Variants in UACA observed in about 807,000 individuals in gnomAD.
The protein encoded by UACA is nuclear membrane binding protein.
A neutral mutation model predicts 160.5 loss-of-function variants in UACA; 112 were observed. That is an observed-to-expected ratio of 0.70 (90% CI 0.60 to 0.82). The LOEUF (loss-of-function observed/expected upper bound fraction) is 0.82. UACA is among the 40% of genes least tolerant of loss of function. UACA has a pLI of 0.00. For missense variants in UACA, 1,574 were observed against 1,614.6 expected (o/e 0.97, Z 0.43); for synonymous variants, 557 against 568.4 (o/e 0.98, Z 0.29).
chr15:70,714,237 C>A (rs2078745802), intron 1 of UACA, among the ~76,000 whole-genome samples: 1 of 152,144 alleles, frequency 6.6e-6, no homozygotes, highest in African/African-American at 2.4e-5. Flanking sequence ...AGAAATATTT[C>A]CCCCATTCCA....
chr15:70,666,767 C>A lies in UACA; in HGVS notation c.3917G>T (p.Arg1306Ile). The A allele has an allele frequency of 3.1e-6, 5 of 1,609,408 alleles. No individual in the cohort carries two copies. Among genetic ancestry groups the A allele is most frequent in the Middle Eastern group, 1.7e-4 (1 of 6,030 alleles). The part of the protein sequence containing the change: ...SLTTITELQR[R>I]IQESAKQIEA... ...TATTTGTTTAGCAGATTCTTGTATT[C>A]TTCTTTGTAACTCTGTGATTGTTGT... The change falls in exon 16 of 19, where the codon AGA (arginine) becomes ATA (isoleucine). Residue 1306 changes from arginine to isoleucine, a missense_variant. Transcript: ENST00000322954.
intron 7 of UACA, among the ~76,000 whole-genome samples, chr15:70,686,925 A>T (rs538999144): frequency 1.8e-4 from 27 of 152,290 alleles, no homozygotes; most frequent in Admixed American, 6.5e-4. Flanking sequence ...ACAGACAGAG[A>T]TAGGGAGAAT....
Position 70,695,111 on chromosome 15 carries a change from C to CAA in UACA, c.213-8_213-7dup. 6 of 1,416,532 alleles carry CAA rather than the reference C, an allele frequency of 4.2e-6. No homozygotes were observed. Among genetic ancestry groups the CAA allele is most frequent in the Non-Finnish European group, 4.7e-6 (5 of 1,055,378 alleles). 87.7% of individuals were successfully genotyped at this position (1,416,532 alleles called of 1,614,324 possible). A position where few individuals can be genotyped will look rare whatever the true frequency, so the allele number is the denominator to read the frequency against. On this transcript the variant is annotated splice_polypyrimidine_tract_variant and splice_region_variant and intron_variant, in intron 2 of 18. Coordinates refer to ENST00000322954, the MANE Select transcript of UACA (RefSeq NM_018003.4). ...TTGAGGTCACAACATGGAAGCTAAA[C>CAA]AAAAAAAAAATATTTGTTGTGCTAA...
chr15:70,738,930 G>A (rs1335567964), intron 1 of UACA, among the ~76,000 whole-genome samples: 1 of 152,178 alleles, frequency 6.6e-6, no homozygotes, highest in Non-Finnish European at 1.5e-5. Flanking sequence ...GAGGTTAGAT[G>A]GCCCAGCATG....
rs909386790 is a variant in UACA at position 70,712,064 on chromosome 15, A to ATATATATATATCTATC, written c.79-12405_79-12404insGATAGATATATATATA. Among the ~76,000 whole-genome samples, 150 of 145,560 alleles carry ATATATATATATCTATC rather than the reference A, an allele frequency of 1.0e-3. 7 individuals carry two copies. Among genetic ancestry groups the ATATATATATATCTATC allele is most frequent in the African/African-American group, 4.1e-3 (148 of 35,830 alleles). Reference sequence around the variant, plus strand: ...CTAAGCTCCAGGCATATATATATATATATCTCCATATACCTTCTTCATGAT... The same window carrying ATATATATATATCTATC: ...CTAAGCTCCAGGCATATATATATATATATATATATATCTATCTATCTCCATATACCTTCTTCATGAT... On this transcript the variant is annotated intron_variant, in intron 1 of 18. Transcript: ENST00000322954.
At chr15:70,700,156 A>G (rs1235710172) in intron 1 of UACA, among the ~76,000 whole-genome samples, 3 of 151,932 alleles carry the variant, frequency 2.0e-5, no homozygotes, top group African/African-American at 7.3e-5. Context: ...ATTTCAAATC[A>G]CACTTTTAGA....
chr15:70,754,993 T>C (rs2030333737), intron 1 of UACA, among the ~76,000 whole-genome samples: 1 of 152,242 alleles, frequency 6.6e-6, no homozygotes, highest in African/African-American at 2.4e-5. Context: ...TGACTTCCTT[T>C]GCATAAATAA....
At chr15:70,697,158 G>C (rs941408141) in intron 2 of UACA, among the ~76,000 whole-genome samples, 40 of 152,306 alleles carry the variant, frequency 2.6e-4, no homozygotes, top group African/African-American at 8.4e-4. Context: ...AGGACAACTA[G>C]AAAAGCTGCA....
At position 70,681,499 on chromosome 15, in the gene UACA, A is replaced by G. The variant is rs577557320; in HGVS notation, c.822+1259T>C. Reference sequence around the variant, plus strand: ...ATATTAACTCCTTGTATTCACTTCAATATTTCCTAGAGCACTGAGCAGAGA... The same window carrying G: ...ATATTAACTCCTTGTATTCACTTCAGTATTTCCTAGAGCACTGAGCAGAGA... On this transcript the variant is annotated intron_variant, in intron 9 of 18. Coordinates refer to ENST00000322954, the MANE Select transcript of UACA (RefSeq NM_018003.4). 13 of 152,342 alleles carry G rather than the reference A, an allele frequency of 8.5e-5. No individual in the cohort carries two copies. In the East Asian group the frequency reaches 9.6e-4, roughly 11 times the overall value. 9.4% of individuals were successfully genotyped at this position (152,342 alleles called of 1,614,324 possible). A position where few individuals can be genotyped will look rare whatever the true frequency, so the allele number is the denominator to read the frequency against.
chr15:70,763,549 A>G lies in UACA; in HGVS notation c.-142T>C, dbSNP rs977984415. On this transcript the variant is annotated 5_prime_UTR_variant, in exon 1 of 19. Coordinates refer to ENST00000322954, the MANE Select transcript of UACA (RefSeq NM_018003.4). Reference sequence around the variant, plus strand: ...CTGCCACCTGCGGGCCCCGGGCAGCAGACGTCGACAGGCCTGAGGCGGGGC... The same window carrying G: ...CTGCCACCTGCGGGCCCCGGGCAGCGGACGTCGACAGGCCTGAGGCGGGGC... The G allele has an allele frequency of 1.6e-6, 2 of 1,243,422 alleles. No homozygotes were observed. Among genetic ancestry groups the G allele is most frequent in the East Asian group, 6.3e-5 (2 of 31,622 alleles). The allele number at this position is 1,243,422 out of a possible 1,614,324, so 77.0% of individuals were successfully genotyped here. A position where few individuals can be genotyped will look rare whatever the true frequency, so the allele number is the denominator to read the frequency against.
At chr15:70,692,521 A>G (rs954586991) in intron 3 of UACA, among the ~76,000 whole-genome samples, 2 of 152,216 alleles carry the variant, frequency 1.3e-5, no homozygotes, top group African/African-American at 4.8e-5. Context: ...CTGTAATCCC[A>G]GCACTTTGAG....
At chr15:70,673,515 C>A (rs899572089) in intron 13 of UACA, among the ~76,000 whole-genome samples, 5 of 152,164 alleles carry the variant, frequency 3.3e-5, no homozygotes, top group Non-Finnish European at 1.5e-5. Context: ...GCTCTTTGTT[C>A]TATGGAATAT....
At chr15:70,768,966 G>A in the UACA span, among the ~76,000 whole-genome samples, 3 of 152,076 alleles carry the variant, frequency 2.0e-5, no homozygotes, top group African/African-American at 4.8e-5. Flanking sequence ...TCAATTACGA[G>A]TAAATTACAT....
chr15:70,717,332 A>AT (rs1238680916), intron 1 of UACA, among the ~76,000 whole-genome samples: 2 of 152,228 alleles, frequency 1.3e-5, no homozygotes, highest in Non-Finnish European at 2.9e-5. Context: ...AGCAAGAACC[A>AT]TAAGAGCCTT....
In UACA at chr15:70,668,469, C is replaced by G. The variant is rs1897015264; in HGVS notation, c.2215G>C (p.Glu739Gln). Residue 739 changes from glutamate to glutamine, a missense_variant, in exon 16 of 19, where the codon GAA becomes CAA. Coordinates refer to ENST00000322954, the MANE Select transcript of UACA (RefSeq NM_018003.4). The part of the protein sequence containing the change: ...LKEQAHNLTI[E>Q]MKNHYVPLKV... ...AAAGGAACATAATGATTTTTCATTT[C>G]AATTGTTAAGTTATGTGCTTGCTCC... The G allele has an allele frequency of 6.2e-7, 1 of 1,611,942 alleles. No homozygotes were observed. The highest frequency in any genetic ancestry group is 8.5e-7 in the Non-Finnish European group (1 of 1,179,778).
rs1394189135 is a variant in UACA, at chr15:70,722,014, T to C, written c.79-22354A>G. Among the ~76,000 whole-genome samples, 16 of 152,348 alleles carry C rather than the reference T, an allele frequency of 1.1e-4. No homozygotes were observed. In the East Asian group the frequency reaches 3.1e-3, roughly 29 times the overall value. ...AAAAACATTCTGTATCTCTATTCAG[T>C]AAGTTCTCTTAAATTTAGACTATAC... On this transcript the variant is annotated intron_variant, in intron 1 of 18. Transcript: ENST00000322954.
At chr15:70,724,275 T>C (rs2140990606) in intron 1 of UACA, among the ~76,000 whole-genome samples, 1 of 152,306 alleles carries the variant, frequency 6.6e-6, no homozygotes, top group Middle Eastern at 3.4e-3. Flanking sequence ...TGTAAAATAA[T>C]ATTCCAAATA....
chr15:70,703,626 G>A (rs190555256), intron 1 of UACA, among the ~76,000 whole-genome samples: 1 of 152,256 alleles, frequency 6.6e-6, no homozygotes, highest in Admixed American at 6.5e-5. Context: ...ATTCTTTCTA[G>A]AAATAGGACA....
At position 70,656,059 on chromosome 15, in the gene UACA, G is replaced by A. The variant is rs1566956161; in HGVS notation, c.*997C>T. 3 of 152,092 alleles carry A rather than the reference G, an allele frequency of 2.0e-5. No individual in the cohort carries two copies. Among genetic ancestry groups the A allele is most frequent in the South Asian group, 4.1e-4 (2 of 4,824 alleles). 9.4% of individuals were successfully genotyped at this position (152,092 alleles called of 1,614,324 possible). On this transcript the variant is annotated 3_prime_UTR_variant, in exon 19 of 19. Coordinates refer to ENST00000322954, the MANE Select transcript of UACA (RefSeq NM_018003.4). ...TTATTGCTATCTATATACTCTTTCA[G>A]TTTACTGTATTACTGTACTTTTCTC... is the stretch of plus-strand genomic sequence containing the variant.
Sources: allele counts gnomAD v4.1 joint callset (sites outside exome capture counted in the v4.1 genomes callset), GRCh38; gene constraint gnomAD v4.1.1; transcripts MANE v1.5; gene names NCBI Gene and HGNC (gene_info 2026-07-23, HGNC 2026-07-21).